Variants in FOCAD observed in about 807,000 individuals in gnomAD.
The protein encoded by FOCAD is focadhesin.
In FOCAD, 198 loss-of-function variants were observed where a neutral mutation model predicts 225.6. That is an observed-to-expected ratio of 0.88 (90% CI 0.78 to 0.99). The LOEUF (loss-of-function observed/expected upper bound fraction) is 0.99, where lower values mean the gene tolerates loss of function less well. FOCAD is among the 50% of genes least tolerant of loss of function. FOCAD has a pLI of 0.00. For synonymous variants in FOCAD, 897 were observed against 755.0 expected (o/e 1.19, Z -3.08); for missense variants, 2,713 against 2,123.6 (o/e 1.28, Z -5.46).
Position 20,995,567 on chromosome 9 carries a change from T to TC in FOCAD, c.5346dup (p.Arg1784GlufsTer7). ...TTTTGTCCCCTTAGCCACCCTGCTG[T>TC]CCTTGAGAGTTCTCCCAGAGTTTAA... On this transcript the variant is annotated frameshift_variant, in exon 44 of 44. Coordinates refer to ENST00000338382, the MANE Select transcript of FOCAD (RefSeq NM_001375567.1). LOFTEE classifies it high-confidence loss of function. The TC allele has an allele frequency of 1.2e-6, 2 of 1,612,758 alleles. No homozygotes were observed. The highest frequency in any genetic ancestry group is 1.7e-6 in the Non-Finnish European group (2 of 1,178,846).
At chr9:20,826,016 G>C (rs531211360) in intron 15 of FOCAD, among the ~76,000 whole-genome samples, 1 of 152,184 alleles carries the variant, frequency 6.6e-6, no homozygotes, top group African/African-American at 2.4e-5. Flanking sequence ...TGCTGTTGAT[G>C]TATTGATTTG....
intron 21 of FOCAD, 124 bp downstream of exon 21, chr9:20,885,354 C>T: frequency 1.0e-6 from 1 of 998,470 alleles, no homozygotes; most frequent in East Asian, 3.3e-5. Context: ...TTAAAGGCCA[C>T]CAAAATAGTT....
chr9:20,913,042 G>T, intron 23 of FOCAD, 88 bp downstream of exon 23: 1 of 1,092,732 alleles, frequency 9.2e-7, no homozygotes, highest in Middle Eastern at 2.0e-4. Flanking sequence ...TTTAAGATTA[G>T]CAGGTTTAAC....
chr9:20,667,555 C>T (rs777354376), intron 2 of FOCAD, among the ~76,000 whole-genome samples: 1 of 152,212 alleles, frequency 6.6e-6, no homozygotes, highest in Non-Finnish European at 1.5e-5. Flanking sequence ...AGGAATCTTT[C>T]TTTCTAATGC....
chr9:20,888,872 C>T (rs1831358767), intron 21 of FOCAD, among the ~76,000 whole-genome samples: 1 of 152,146 alleles, frequency 6.6e-6, no homozygotes. Flanking sequence ...ATTTTGAGGC[C>T]TCTGCAGCTA....
chr9:20,850,946 T>C (rs1301100080), intron 15 of FOCAD, among the ~76,000 whole-genome samples: 1 of 150,766 alleles, frequency 6.6e-6, no homozygotes, highest in East Asian at 1.9e-4. Flanking sequence ...AGATAGAAAG[T>C]ATGTTTTAGC....
At chr9:20,800,595 A>G (rs1161825137) in intron 11 of FOCAD, among the ~76,000 whole-genome samples, 1 of 151,960 alleles carries the variant, frequency 6.6e-6, no homozygotes, top group Non-Finnish European at 1.5e-5. Context: ...CATTTCATTC[A>G]TTTGATCTTC....
chr9:20,904,359 C>G (rs1389308494), intron 21 of FOCAD, among the ~76,000 whole-genome samples: 2 of 151,866 alleles, frequency 1.3e-5, no homozygotes, highest in Non-Finnish European at 2.9e-5. Context: ...CCAGCTGAAC[C>G]ATTTTTTATT....
intron 11 of FOCAD, among the ~76,000 whole-genome samples, chr9:20,802,203 G>C (rs1821919996): frequency 2.0e-5 from 3 of 152,000 alleles, no homozygotes; most frequent in Non-Finnish European, 4.4e-5. Flanking sequence ...ATTCTTGCTT[G>C]TTACCATTTT....
intron 35 of FOCAD, among the ~76,000 whole-genome samples, chr9:20,972,084 T>C (rs983380735): frequency 8.5e-5 from 13 of 152,182 alleles, no homozygotes; most frequent in Non-Finnish European, 1.8e-4. Flanking sequence ...TTCATGATCT[T>C]GCTTTCAATT....
intron 11 of FOCAD, among the ~76,000 whole-genome samples, chr9:20,802,285 G>A (rs968859603): frequency 6.6e-6 from 1 of 152,022 alleles, no homozygotes; most frequent in Admixed American, 6.6e-5. Context: ...AAGAAAACAA[G>A]CATGTAAATA....
intron 28 of FOCAD, among the ~76,000 whole-genome samples, chr9:20,936,531 T>C (rs1195214736): frequency 6.6e-6 from 1 of 152,142 alleles, no homozygotes; most frequent in African/African-American, 2.4e-5. Flanking sequence ...AGTGACTTCT[T>C]AAGAGTGTGG....
intron 15 of FOCAD, among the ~76,000 whole-genome samples, chr9:20,843,259 A>G (rs1355414723): frequency 6.6e-6 from 1 of 152,062 alleles, no homozygotes. Context: ...TTCAGATTGA[A>G]TAACTCCTTT....
chr9:20,858,513 C>G (rs1190571740), intron 15 of FOCAD, among the ~76,000 whole-genome samples: 1 of 151,810 alleles, frequency 6.6e-6, no homozygotes, highest in Non-Finnish European at 1.5e-5. Flanking sequence ...TTAGTCTGGC[C>G]AAAGGTTTGT....
chr9:20,928,410 C>T (rs185906662), intron 26 of FOCAD, among the ~76,000 whole-genome samples: 37 of 152,196 alleles, frequency 2.4e-4, no homozygotes, highest in Admixed American at 6.5e-5. Context: ...GCTTAGAGAG[C>T]GAATGGGCCT....
intron 35 of FOCAD, among the ~76,000 whole-genome samples, chr9:20,975,254 A>G (rs1840128811): frequency 6.6e-6 from 1 of 152,160 alleles, no homozygotes; most frequent in African/African-American, 2.4e-5. Flanking sequence ...TGGTTGCACC[A>G]TATGTTTGCA....
chr9:20,931,985 A>G (rs1276605560), intron 27 of FOCAD, among the ~76,000 whole-genome samples: 1 of 151,950 alleles, frequency 6.6e-6, no homozygotes, highest in Non-Finnish European at 1.5e-5. Context: ...TCCTGAATTT[A>G]AGTTCCATCT....
intron 15 of FOCAD, among the ~76,000 whole-genome samples, chr9:20,830,558 A>G (rs1189170383): frequency 1.3e-5 from 2 of 151,920 alleles, no homozygotes; most frequent in Non-Finnish European, 2.9e-5. Context: ...ATTCGTTTAC[A>G]TTTTGCTAGA....
intron 1 of FOCAD, among the ~76,000 whole-genome samples, chr9:20,709,127 ATTAAT>A (rs1824628892): frequency 6.6e-6 from 1 of 152,208 alleles, no homozygotes. Context: ...CAATTGATAG[ATTAAT>A]TTTCTTGGAA....
Sources: allele counts gnomAD v4.1 joint callset (sites outside exome capture counted in the v4.1 genomes callset), GRCh38; gene constraint gnomAD v4.1.1; transcripts MANE v1.5; gene names NCBI Gene and HGNC (gene_info 2026-07-23, HGNC 2026-07-21).